Variants in RAP1A observed in about 807,000 individuals in gnomAD.
RAP1A encodes the protein ras-related protein Rap-1A.
A neutral mutation model predicts 26.4 loss-of-function variants in RAP1A; 6 were observed. The ratio of observed to expected loss-of-function variants is 0.23; its 90% CI spans 0.12 to 0.45. RAP1A has a LOEUF of 0.45. RAP1A is among the 20% of genes least tolerant of loss of function. The pLI is 0.99. For synonymous variants in RAP1A, 73 were observed against 79.4 expected, an observed-to-expected ratio of 0.92 and a Z score of 0.43; for missense variants, 121 against 217.2, an observed-to-expected ratio of 0.56 and a Z score of 2.78.
chr1:111,629,899 T>A (rs968184455), intron 1 of RAP1A, among the ~76,000 whole-genome samples: 4 of 152,226 alleles, frequency 2.6e-5, no homozygotes, highest in African/African-American at 9.6e-5. Context: ...TACTTCTGCC[T>A]GTTTGTCCAG....
chr1:111,632,890 C>T (rs906041199), intron 1 of RAP1A, among the ~76,000 whole-genome samples: 4 of 132,166 alleles, frequency 3.0e-5, no homozygotes, highest in Non-Finnish European at 6.1e-5. Context: ...CATTGCACTG[C>T]AGCCTGGGCA....
intron 1 of RAP1A, among the ~76,000 whole-genome samples, chr1:111,657,374 A>G (rs561878908): frequency 2.6e-5 from 4 of 152,334 alleles, no homozygotes; most frequent in East Asian, 1.9e-4. Context: ...CCCATTCCCA[A>G]TAGATCTCAT....
At chr1:111,687,242 C>G (rs995186087) in intron 1 of RAP1A, among the ~76,000 whole-genome samples, 2 of 141,452 alleles carry the variant, frequency 1.4e-5, no homozygotes, top group African/African-American at 5.3e-5. Flanking sequence ...GAGTCTCGCT[C>G]TGTTGCCCAG....
At chr1:111,680,604 G>C (rs72987130) in intron 1 of RAP1A, 4 of 152,566 alleles carry the variant, frequency 2.6e-5, no homozygotes, top group African/African-American at 4.8e-5. Flanking sequence ...ACCAGCAGGG[G>C]TTGACAGACG....
chr1:111,632,798 G>A (rs986878157), intron 1 of RAP1A, among the ~76,000 whole-genome samples: 4 of 151,882 alleles, frequency 2.6e-5, no homozygotes, highest in Admixed American at 6.6e-5. Context: ...GCGCATGCCT[G>A]TAATCCCAGC....
intron 1 of RAP1A, among the ~76,000 whole-genome samples, chr1:111,593,488 T>C (rs957861786): frequency 1.3e-5 from 2 of 151,970 alleles, no homozygotes; most frequent in Admixed American, 6.6e-5. Flanking sequence ...TGGAGCTGGA[T>C]CGCCACCTCA....
chr1:111,647,949 T>C (rs1340677385), intron 1 of RAP1A, among the ~76,000 whole-genome samples: 2 of 152,240 alleles, frequency 1.3e-5, no homozygotes, highest in African/African-American at 4.8e-5. Flanking sequence ...AGTAACACTT[T>C]TAAGGTCTGT....
Position 111,583,901 on chromosome 1 carries a change from G to A in RAP1A, c.-28+41392G>A, listed in dbSNP as rs182072648. Among the ~76,000 whole-genome samples, 531 of 106,034 alleles carry A rather than the reference G, an allele frequency of 5.0e-3. 17 individuals carry two copies. The Admixed American group carries it at 0.061, about 12-fold the overall frequency. The allele number at this position is 106,034 out of a possible 152,430, so 69.6% of individuals were successfully genotyped here. On this transcript the variant is annotated intron_variant, in intron 1 of 7. Coordinates refer to the RAP1A transcript ENST00000356415. ...CTTTTTTTTTTTTTTTTTTTTTTGA[G>A]ACAGAGTCTCACTCTGTTGCCCAGG...
chr1:111,585,876 C>G (rs548607806), intron 1 of RAP1A, among the ~76,000 whole-genome samples: 9 of 152,218 alleles, frequency 5.9e-5, no homozygotes, highest in African/African-American at 2.2e-4. Context: ...GACAGAATAC[C>G]CTAACTATAG....
At chr1:111,673,258 C>CTG (rs1260261232) in intron 1 of RAP1A, among the ~76,000 whole-genome samples, 6 of 152,154 alleles carry the variant, frequency 3.9e-5, no homozygotes, top group African/African-American at 1.4e-4. Context: ...TTTATGATCC[C>CTG]TGTAAATATT....
rs147479463 is a variant in RAP1A at position 111,576,172 on chromosome 1, T to G, written c.-28+33663T>G. On this transcript the variant is annotated intron_variant, in intron 1 of 7. Coordinates refer to the RAP1A transcript ENST00000356415. ...AAAATGCAAATTCTGGTTCAGTGGG[T>G]CTACGGTCTGCATTTCAAACAAGCT... Among the ~76,000 whole-genome samples the G allele has an allele frequency of 2.3e-3, 345 of 152,266 alleles. 3 individuals carry two copies. The highest frequency in any genetic ancestry group is 7.5e-3 in the African/African-American group (312 of 41,544).
At chr1:111,690,739 G>A (rs373347068) in intron 1 of RAP1A, among the ~76,000 whole-genome samples, 26 of 152,176 alleles carry the variant, frequency 1.7e-4, no homozygotes, top group East Asian at 5.8e-4. Flanking sequence ...TAAAGTTTAC[G>A]TTCCTTTTAT....
chr1:111,653,872 G>T (rs2101141663), intron 1 of RAP1A, among the ~76,000 whole-genome samples: 1 of 152,214 alleles, frequency 6.6e-6, no homozygotes, highest in Admixed American at 6.5e-5. Context: ...CACCTCAAAA[G>T]GCACAGAGGA....
intron 1 of RAP1A, among the ~76,000 whole-genome samples, chr1:111,568,389 G>A (rs939945615): frequency 6.6e-6 from 1 of 152,024 alleles, no homozygotes; most frequent in African/African-American, 2.4e-5. Context: ...GTGGGGAGGA[G>A]GGCAGGCTCT....
chr1:111,562,664 T>C (rs1042364429), intron 1 of RAP1A, among the ~76,000 whole-genome samples: 2 of 152,232 alleles, frequency 1.3e-5, no homozygotes, highest in Admixed American at 1.3e-4. Context: ...CACTGCCATG[T>C]TTCAAATGAA....
chr1:111,558,500 A>T (rs1387286606), intron 1 of RAP1A, among the ~76,000 whole-genome samples: 1 of 152,156 alleles, frequency 6.6e-6, no homozygotes, highest in Admixed American at 6.5e-5. Flanking sequence ...AATAATTTTT[A>T]AAAAGCACTT....
At chr1:111,614,558 T>C (rs1658982216) in intron 1 of RAP1A, among the ~76,000 whole-genome samples, 3 of 152,200 alleles carry the variant, frequency 2.0e-5, no homozygotes, top group African/African-American at 7.2e-5. Flanking sequence ...ATTGTAAAAG[T>C]GCCCTAAGTT....
chr1:111,625,221 GT>G, intron 1 of RAP1A, among the ~76,000 whole-genome samples: 1 of 152,084 alleles, frequency 6.6e-6, no homozygotes, highest in Non-Finnish European at 1.5e-5. Context: ...CTCCTTCACG[GT>G]TTTTTGCAGT....
intron 1 of RAP1A, among the ~76,000 whole-genome samples, chr1:111,644,643 T>C (rs1300563711): frequency 6.6e-6 from 1 of 152,176 alleles, no homozygotes; most frequent in Non-Finnish European, 1.5e-5. Context: ...ATAAAAGATA[T>C]CCACTTCGCC....
Sources: gnomAD v4.1 joint callset for allele counts (sites outside exome capture counted in the v4.1 genomes callset) on GRCh38, gnomAD v4.1.1 for gene constraint, MANE v1.5 for transcripts, NCBI Gene and HGNC (gene_info 2026-07-23, HGNC 2026-07-21) for gene names.